Variants in TRIP12 observed in about 807,000 individuals in gnomAD.
TRIP12 encodes E3 ubiquitin-protein ligase TRIP12.
Under a neutral mutation model 244.2 loss-of-function variants are expected in TRIP12, and 25 were observed. That is an observed-to-expected ratio of 0.10 (90% CI 0.07 to 0.14). The LOEUF is 0.14. Ranked by LOEUF, TRIP12 falls within the 10% of genes least tolerant of loss-of-function variation. TRIP12 has a pLI of 1.00. For synonymous variants in TRIP12, 905 were observed against 873.1 expected, an observed-to-expected ratio of 1.04 and a Z score of -0.64; for missense variants, 1,677 against 2,486.4, an observed-to-expected ratio of 0.67 and a Z score of 6.92.
rs79934137 is a variant in TRIP12, at chr2:229,768,555, T to A, written c.6007+61A>T. The A allele has an allele frequency of 2.5e-3, 3,719 of 1,497,318 alleles. 82 individuals carry two copies. The African/African-American group carries it at 0.048, about 19-fold the overall frequency. The allele number at this position is 1,497,318 out of a possible 1,614,324, so 92.8% of individuals were successfully genotyped here. A position where few individuals can be genotyped will look rare whatever the true frequency, so the allele number is the denominator to read the frequency against. ...GAATCTCCTGCTGATGGTACTGAAGTTTCACACTCACAAACCCACCCATAG... is the reference window on the plus strand; with the variant it reads ...GAATCTCCTGCTGATGGTACTGAAGATTCACACTCACAAACCCACCCATAG... On this transcript the variant is annotated intron_variant, in intron 41 of 41. Transcript: ENST00000675903.
chr2:229,794,020 T>C (rs2042191556), intron 26 of TRIP12, among the ~76,000 whole-genome samples: 2 of 152,168 alleles, frequency 1.3e-5, no homozygotes, highest in East Asian at 3.8e-4. Context: ...TATATACATA[T>C]GCAAACATAT....
chr2:229,796,822 C>T (rs1231185943), intron 24 of TRIP12, 40 bp from the exon 25 acceptor site: 7 of 1,500,480 alleles, frequency 4.7e-6, no homozygotes, highest in Non-Finnish European at 6.2e-6. Context: ...TTGATTTAAG[C>T]AGCACTTAAA....
At chr2:229,872,104 T>TAAAAAAAAAAAAAAAAAAAAA (rs34496202) in intron 2 of TRIP12, among the ~76,000 whole-genome samples, 1 of 105,264 alleles carries the variant, frequency 9.5e-6, no homozygotes, top group African/African-American at 3.5e-5. Flanking sequence ...ACAGATATTG[T>TAAAAAAAAAAAAAAAAAAAAA]AAAAAAAAAA....
chr2:229,798,840 G>A, intron 23 of TRIP12, 35 bp downstream of exon 23: 1 of 1,604,118 alleles, frequency 6.2e-7, no homozygotes, highest in Non-Finnish European at 8.5e-7. Flanking sequence ...TTCTGATATG[G>A]GAATAGAAGA....
At chr2:229,918,105 G>A (rs1230349479) in intron 1 of TRIP12, among the ~76,000 whole-genome samples, 2 of 152,182 alleles carry the variant, frequency 1.3e-5, no homozygotes, top group Admixed American at 6.5e-5. Flanking sequence ...CAGAAACGAA[G>A]CAAGTACAGT....
In TRIP12 at chr2:229,840,890, T is replaced by C; in HGVS notation, c.1065A>G (p.Pro355=). ...RKSTKKRSES[P]PAELPSLRRS... Reference sequence around the variant, plus strand: ...GCCTCAAACTGGGGAGCTCAGCAGGTGGAGACTCACTGCGTTTCTTCGTAG... The same window carrying C: ...GCCTCAAACTGGGGAGCTCAGCAGGCGGAGACTCACTGCGTTTCTTCGTAG... The change falls in exon 5 of 42, where the codon CCA becomes CCG. Residue 355 remains proline, a synonymous_variant. Coordinates refer to ENST00000675903, the MANE Select transcript of TRIP12 (RefSeq NM_001348323.3). 6.2e-7 allele frequency: 1 copy of C among 1,610,600 alleles called. No homozygotes were observed. Among genetic ancestry groups the C allele is most frequent in the Non-Finnish European group, 8.5e-7 (1 of 1,179,102 alleles).
rs1181588754 is a variant in TRIP12, at chr2:229,788,827, T to C, written c.4809A>G (p.Pro1603=). Residue 1603 remains proline, a synonymous_variant, in exon 32 of 42, where the codon CCA becomes CCG. Transcript: ENST00000675903. Reference sequence around the variant, plus strand: ...TTTTTCCTAGCTCAGTAAGCCATGTTGGGATGTTTCCTGTCATGATTACTA... The same window carrying C: ...TTTTTCCTAGCTCAGTAAGCCATGTCGGGATGTTTCCTGTCATGATTACTA... ...DPLVIMTGNI[P]TWLTELGKTC... The C allele has an allele frequency of 1.2e-6, 2 of 1,614,074 alleles. No individual in the cohort carries two copies. Among genetic ancestry groups the C allele is most frequent in the Middle Eastern group, 1.6e-4 (1 of 6,062 alleles).
intron 14 of TRIP12, 35 bp downstream of exon 14, chr2:229,811,101 C>G (rs1189762597): frequency 6.2e-7 from 1 of 1,613,574 alleles, no homozygotes; most frequent in East Asian, 2.2e-5. Context: ...AATTCAACAA[C>G]CTCATAAAAA....
rs1416379252 is a variant in TRIP12 at position 229,839,281 on chromosome 2, T to TAC, written c.1133+1540_1133+1541insGT. Among the ~76,000 whole-genome samples, 5 of 152,318 alleles carry TAC rather than the reference T, an allele frequency of 3.3e-5. 1 individual carries two copies. In the South Asian group the frequency reaches 1.0e-3, roughly 32 times the overall value. On this transcript the variant is annotated intron_variant, in intron 5 of 41. Transcript: ENST00000675903. ...CAGGCTACCACACGGCCTAGATGTG[T>TAC]AGTAAGCTATACTATCTAGGTTTGT...
Position 229,791,180 on chromosome 2 carries a change from G to A in TRIP12, c.4487C>T (p.Thr1496Ile). ...CVGGKRGRAQTAPTKTSPRNA... is the reference protein window; with the variant it reads ...CVGGKRGRAQIAPTKTSPRNA... ...TCTAGGGGAAGTTTTCGTTGGAGCTGTTTGGGCTCTTCCTCTTTTACCACC... is the reference window on the plus strand; with the variant it reads ...TCTAGGGGAAGTTTTCGTTGGAGCTATTTGGGCTCTTCCTCTTTTACCACC... Residue 1496 changes from threonine to isoleucine, a missense_variant, in exon 30 of 42, where the codon ACA (threonine) becomes ATA (isoleucine). Physicochemically the swap from Thr to Ile is moderately conservative, Grantham distance 89. Coordinates refer to ENST00000675903, the MANE Select transcript of TRIP12 (RefSeq NM_001348323.3). The A allele has an allele frequency of 6.2e-7, 1 of 1,614,084 alleles. No homozygotes were observed. Among genetic ancestry groups the A allele is most frequent in the Non-Finnish European group, 8.5e-7 (1 of 1,179,974 alleles).
At chr2:229,847,148 A>G (rs2057735156) in intron 4 of TRIP12, among the ~76,000 whole-genome samples, 1 of 152,168 alleles carries the variant, frequency 6.6e-6, no homozygotes, top group Admixed American at 6.5e-5. Flanking sequence ...TTACAAAGCT[A>G]TACTTAATTA....
chr2:229,799,001 C>T lies in TRIP12; in HGVS notation c.3356G>A (p.Ser1119Asn). The T allele has an allele frequency of 1.9e-6, 3 of 1,614,178 alleles. No homozygotes were observed. Among genetic ancestry groups the T allele is most frequent in the East Asian group, 2.2e-5 (1 of 44,884 alleles). ...CCTTCCCCATGTTTTTGGATTCAAG[C>T]TTGCCAGGAAAGAAGATTTAGGTGA... ...TQSPKSSFLA[S>N]LNPKTWGRLS... is the part of the protein sequence containing the mutation. The change falls in exon 23 of 42, where the codon AGC becomes AAC. Residue 1119 changes from serine to asparagine, a missense_variant. This residue lies in a region of TRIP12 where 572 missense variants were observed against 867.8 expected (regional missense o/e 0.66). Coordinates refer to ENST00000675903, the MANE Select transcript of TRIP12 (RefSeq NM_001348323.3).
rs553490488 is a variant in TRIP12 at position 229,789,778 on chromosome 2, T to C, written c.4544-16A>G. 10 of 1,612,420 alleles carry C rather than the reference T, an allele frequency of 6.2e-6. No individual in the cohort carries two copies. The highest frequency in any genetic ancestry group is 5.9e-6 in the Non-Finnish European group (7 of 1,179,210). On this transcript the variant is annotated splice_polypyrimidine_tract_variant and intron_variant, in intron 30 of 41. Transcript: ENST00000675903. ...CACACTCCATCTAAAGGACAAAAGATCAAAGTAAGTTTTGATCAAAGTTAG... is the reference window on the plus strand; with the variant it reads ...CACACTCCATCTAAAGGACAAAAGACCAAAGTAAGTTTTGATCAAAGTTAG...
chr2:229,861,196 AC>A (rs2154337696), intron 2 of TRIP12, among the ~76,000 whole-genome samples: 2 of 152,332 alleles, frequency 1.3e-5, no homozygotes, highest in South Asian at 4.1e-4. Flanking sequence ...GTTCCAAAAA[AC>A]ATTCAAATAA....
At chr2:229,836,753 T>C in intron 6 of TRIP12, 95 bp downstream of exon 6, 1 of 1,367,790 alleles carries the variant, frequency 7.3e-7, no homozygotes, top group Non-Finnish European at 9.7e-7. Context: ...ACAAGAAGTT[T>C]ATACGATAGT....
chr2:229,922,639 C>T, upstream of TRIP12: 1 of 1,608,970 alleles, frequency 6.2e-7, no homozygotes, highest in Non-Finnish European at 8.5e-7. Context: ...TACCCTCTCT[C>T]CTAACTCCCT....
chr2:229,836,811 C>T, intron 6 of TRIP12, 37 bp downstream of exon 6: 7 of 1,570,850 alleles, frequency 4.5e-6, no homozygotes, highest in Non-Finnish European at 6.0e-6. Flanking sequence ...CTGTAAAAGA[C>T]AGAAACGCAT....
chr2:229,845,891 G>A (rs1396613639), intron 4 of TRIP12, among the ~76,000 whole-genome samples: 12 of 151,926 alleles, frequency 7.9e-5, no homozygotes, highest in Non-Finnish European at 7.4e-5. Flanking sequence ...GCTGGGTGCG[G>A]TGACACAAGC....
chr2:229,812,438 T>A (rs1345170926), intron 13 of TRIP12, among the ~76,000 whole-genome samples: 1 of 152,248 alleles, frequency 6.6e-6, no homozygotes, highest in Non-Finnish European at 1.5e-5. Flanking sequence ...TGAATAGTAC[T>A]ACTTTGTCTT....
Sources: gnomAD v4.1 joint callset for allele counts (sites outside exome capture counted in the v4.1 genomes callset) on GRCh38, gnomAD v4.1.1 for gene constraint, gnomAD v4.1.1 regional missense constraint, MANE v1.5 for transcripts, NCBI Gene and HGNC (gene_info 2026-07-23, HGNC 2026-07-21) for gene names.